Variants in NECTIN1 observed in about 807,000 individuals in gnomAD.
NECTIN1 encodes the protein nectin cell adhesion molecule 1, also known as nectin-1.
In NECTIN1, 23 loss-of-function variants were observed where a neutral mutation model predicts 48.0. The ratio of observed to expected loss-of-function variants is 0.48; its 90% CI spans 0.34 to 0.68. The LOEUF is 0.68. NECTIN1 is among the 30% of genes least tolerant of loss of function. The pLI, the probability that NECTIN1 is intolerant of heterozygous loss-of-function variation, is 0.01. For missense variants in NECTIN1, 591 were observed against 709.9 expected, an observed-to-expected ratio of 0.83 and a Z score of 1.90; for synonymous variants, 270 against 288.9, an observed-to-expected ratio of 0.93 and a Z score of 0.66.
intron 5 of NECTIN1, among the ~76,000 whole-genome samples, chr11:119,646,624 G>A (rs1387050871): frequency 1.3e-5 from 2 of 152,214 alleles, no homozygotes; most frequent in Non-Finnish European, 2.9e-5. Flanking sequence ...CTCAGAGAAG[G>A]TTGGTGAAAT....
At chr11:119,651,712 A>T (rs2135532458) in intron 5 of NECTIN1, among the ~76,000 whole-genome samples, 1 of 152,194 alleles carries the variant, frequency 6.6e-6, no homozygotes, top group African/African-American at 2.4e-5. Flanking sequence ...GCCCTTGGCC[A>T]CTATCACCCC....
intron 1 of NECTIN1, among the ~76,000 whole-genome samples, chr11:119,723,756 A>T (rs1352013679): frequency 6.6e-6 from 1 of 152,156 alleles, no homozygotes; most frequent in African/African-American, 2.4e-5. Flanking sequence ...GAGCTTAAAG[A>T]GTTAACTGGA....
chr11:119,674,425 T>G, intron 5 of NECTIN1: 4 of 1,542,024 alleles, frequency 2.6e-6, no homozygotes, highest in Non-Finnish European at 3.5e-6. Context: ...ATTGACAGAC[T>G]GATCTGTGCT....
At chr11:119,680,020 C>A (rs1865030762) in intron 1 of NECTIN1, among the ~76,000 whole-genome samples, 1 of 152,220 alleles carries the variant, frequency 6.6e-6, no homozygotes, top group Non-Finnish European at 1.5e-5. Flanking sequence ...TCTCTGTATC[C>A]CCAGTGCCCA....
At position 119,678,546 on chromosome 11, in the gene NECTIN1, A is replaced by G. The variant is rs1458745574; in HGVS notation, c.299T>C (p.Leu100Pro). Residue 100 changes from leucine to proline, a missense_variant, in exon 2 of 6, where the codon CTG (leucine) becomes CCG (proline). By Grantham distance (98) the Leu-to-Pro change is moderately conservative. Transcript: ENST00000264025. The surrounding 1 kb of genome is among the most constrained non-coding windows in gnomAD (Gnocchi z 4.4). Reference sequence around the variant, plus strand: ...AGTGCCATCGGTGAAGGAGGGCCGCAGGAATTCCACACGCTCGCGGTAGGG... The same window carrying G: ...AGTGCCATCGGTGAAGGAGGGCCGCGGGAATTCCACACGCTCGCGGTAGGG... Reference protein sequence around the residue: ...LAPYRERVEFLRPSFTDGTIR... With the variant: ...LAPYRERVEFPRPSFTDGTIR... 9 of 1,614,188 alleles carry G rather than the reference A, an allele frequency of 5.6e-6. No individual in the cohort carries two copies. Among genetic ancestry groups the G allele is most frequent in the Non-Finnish European group, 6.8e-6 (8 of 1,180,018 alleles).
At chr11:119,680,701 G>A (rs56687549) in intron 1 of NECTIN1, among the ~76,000 whole-genome samples, 1 of 152,342 alleles carries the variant, frequency 6.6e-6, no homozygotes, top group East Asian at 1.9e-4. Flanking sequence ...AGGCCCTACC[G>A]TGTTCTGAAA....
In NECTIN1 at chr11:119,663,138, C is replaced by T. The variant is rs1228411050; in HGVS notation, c.*1609G>A. ...CCAACACTTGCCATCCTGCAGAGCC[C>T]CTGACACCCTGGGGTGAGTTAACTG... On this transcript the variant is annotated 3_prime_UTR_variant, in exon 6 of 6. Transcript: ENST00000264025. 15 of 985,428 alleles carry T rather than the reference C, an allele frequency of 1.5e-5. No individual in the cohort carries two copies. The highest frequency in any genetic ancestry group is 1.8e-5 in the Non-Finnish European group (15 of 830,016). 61.0% of individuals were successfully genotyped at this position (985,428 alleles called of 1,614,324 possible).
chr11:119,651,446 T>G (rs954695015), intron 5 of NECTIN1, among the ~76,000 whole-genome samples: 5 of 152,252 alleles, frequency 3.3e-5, no homozygotes, highest in African/African-American at 1.2e-4. Context: ...GGGTCTGTCC[T>G]CGCCACCCCA....
At position 119,683,985 on chromosome 11, in the gene NECTIN1, CAA is replaced by C. The variant is rs1426816989; in HGVS notation, c.80-5222_80-5221del. 1.3e-5 allele frequency among the ~76,000 whole-genome samples: 2 copies of C among 152,174 alleles called. No homozygotes were observed. Among genetic ancestry groups the C allele is most frequent in the Non-Finnish European group, 2.9e-5 (2 of 68,018 alleles). On this transcript the variant is annotated intron_variant, in intron 1 of 5. Transcript: ENST00000264025. This position sits in a 1 kb window ranked among gnomAD's most constrained non-coding sequence, Gnocchi z 4.0. ...AACGCCTGAGCTCAGCAACAAAACA[CAA>C]AGACTCCTCAGTTGTGGCGGACAAA...
chr11:119,717,716 G>C (rs564635493), intron 1 of NECTIN1, among the ~76,000 whole-genome samples: 1 of 152,344 alleles, frequency 6.6e-6, no homozygotes, highest in Non-Finnish European at 1.5e-5. Flanking sequence ...GTCCCAGAGG[G>C]CAGAGGAGAG....
In NECTIN1 at chr11:119,728,755, G is replaced by C. The variant is rs1430495727; in HGVS notation, c.-202C>G. On this transcript the variant is annotated 5_prime_UTR_variant, in exon 1 of 6. Transcript: ENST00000264025. ...CGGGCCCCGGGCCGCCGCCGGCTCA[G>C]AGGCTCGGCAGATGCCCGCCGCAAG... 2.2e-6 allele frequency: 1 copy of C among 451,154 alleles called. No homozygotes were observed. The highest frequency in any genetic ancestry group is 3.9e-6 in the Non-Finnish European group (1 of 256,464). The allele number at this position is 451,154 out of a possible 1,614,324, so 27.9% of individuals were successfully genotyped here. A position where few individuals can be genotyped will look rare whatever the true frequency, so the allele number is the denominator to read the frequency against.
intron 1 of NECTIN1, among the ~76,000 whole-genome samples, chr11:119,716,301 G>A (rs764036215): frequency 2.0e-5 from 3 of 152,132 alleles, no homozygotes; most frequent in Non-Finnish European, 4.4e-5. Context: ...GGCTTCCCCA[G>A]CCCCAGGGAA....
At chr11:119,688,591 C>G (rs111285007) in intron 1 of NECTIN1, among the ~76,000 whole-genome samples, 1 of 152,164 alleles carries the variant, frequency 6.6e-6, no homozygotes, top group Admixed American at 6.5e-5. Flanking sequence ...AAATCATCCC[C>G]GGGTAAGACC....
intron 5 of NECTIN1, among the ~76,000 whole-genome samples, chr11:119,651,625 G>T (rs2135532407): frequency 6.6e-6 from 1 of 152,182 alleles, no homozygotes; most frequent in South Asian, 2.1e-4. Context: ...CACTCTCACA[G>T]TGAGGGATGA....
At chr11:119,691,749 C>T (rs1224719788) in intron 1 of NECTIN1, among the ~76,000 whole-genome samples, 1 of 152,226 alleles carries the variant, frequency 6.6e-6, no homozygotes, top group Admixed American at 6.5e-5. Context: ...GGCCGGAGCA[C>T]ATCCACCTCA....
At chr11:119,649,540 A>C (rs1864460006) in intron 5 of NECTIN1, among the ~76,000 whole-genome samples, 1 of 151,878 alleles carries the variant, frequency 6.6e-6, no homozygotes, top group South Asian at 2.1e-4. Flanking sequence ...ATACAAAAAA[A>C]TTAGCCAGGC....
chr11:119,690,860 C>A (rs565600324), intron 1 of NECTIN1, among the ~76,000 whole-genome samples: 1 of 152,242 alleles, frequency 6.6e-6, no homozygotes, highest in East Asian at 1.9e-4. Flanking sequence ...ACTGCAGAAG[C>A]CACTCACTTT....
chr11:119,675,350 C>G (rs1471873805), intron 4 of NECTIN1, 40 bp from the exon 5 acceptor site: 2 of 1,613,510 alleles, frequency 1.2e-6, no homozygotes, highest in Non-Finnish European at 8.5e-7. Context: ...TTATGACTCT[C>G]CAGCCTCAAG....
intron 1 of NECTIN1, among the ~76,000 whole-genome samples, chr11:119,698,280 C>A (rs1216792491): frequency 6.6e-6 from 1 of 152,248 alleles, no homozygotes; most frequent in Non-Finnish European, 1.5e-5. Flanking sequence ...CTGAAGGGTG[C>A]TGTCATAACT....
Sources: allele counts gnomAD v4.1 joint callset (sites outside exome capture counted in the v4.1 genomes callset), GRCh38; gene constraint gnomAD v4.1.1; non-coding constraint Gnocchi (gnomAD v3.1); transcripts MANE v1.5; gene names NCBI Gene and HGNC (gene_info 2026-07-23, HGNC 2026-07-21).